Variants in COMMD1 observed in about 807,000 individuals in gnomAD.
The protein encoded by COMMD1 is COMM domain-containing protein 1.
COMMD1 carries 10 observed loss-of-function variants against 17.2 expected under a neutral mutation model. That is an observed-to-expected ratio of 0.58 (90% CI 0.36 to 0.99). The LOEUF is 0.99. Ranked by LOEUF, COMMD1 falls within the 50% of genes least tolerant of loss-of-function variation. COMMD1 has a pLI of 0.01. For missense variants in COMMD1, 270 were observed against 231.8 expected (o/e 1.17, Z -1.07); for synonymous variants, 97 against 91.6 (o/e 1.06, Z -0.34).
chr2:62,103,332 A>G (rs1473373855), intron 2 of COMMD1, among the ~76,000 whole-genome samples: 1 of 152,222 alleles, frequency 6.6e-6, no homozygotes, highest in Admixed American at 6.5e-5. Flanking sequence ...ACAAAAATGG[A>G]AAATTTCCCC....
intron 2 of COMMD1, among the ~76,000 whole-genome samples, chr2:62,066,229 C>T (rs985324137): frequency 1.2e-4 from 18 of 152,066 alleles, no homozygotes; most frequent in African/African-American, 4.3e-4. Flanking sequence ...ACTCCCTACC[C>T]CACTTTTTTT....
chr2:62,085,169 CTCTT>C (rs1026525198), intron 2 of COMMD1, among the ~76,000 whole-genome samples: 98 of 152,088 alleles, frequency 6.4e-4, no homozygotes, highest in African/African-American at 2.3e-3. Flanking sequence ...CTTTCTAACT[CTCTT>C]AAGTCCACAG....
At chr2:62,026,208 G>C (rs1669751908) in intron 2 of COMMD1, among the ~76,000 whole-genome samples, 1 of 152,112 alleles carries the variant, frequency 6.6e-6, no homozygotes, top group Non-Finnish European at 1.5e-5. Context: ...CTGAGACTGG[G>C]TACTTTATAA....
At chr2:62,062,939 C>T (rs1246208090) in intron 2 of COMMD1, among the ~76,000 whole-genome samples, 2 of 151,886 alleles carry the variant, frequency 1.3e-5, no homozygotes, top group Non-Finnish European at 2.9e-5. Context: ...AGTAGGCTGG[C>T]CAGGCATGGT....
intron 1 of COMMD1, among the ~76,000 whole-genome samples, chr2:61,961,963 ATTGT>A (rs1671353416): frequency 6.6e-6 from 1 of 151,990 alleles, no homozygotes; most frequent in Non-Finnish European, 1.5e-5. Flanking sequence ...AACTCCCTGA[ATTGT>A]TTGTTCCTGT....
intron 2 of COMMD1, among the ~76,000 whole-genome samples, chr2:62,059,324 TA>T (rs202064244): frequency 3.3e-5 from 5 of 151,212 alleles, no homozygotes; most frequent in South Asian, 2.1e-4. Context: ...CTGGCTAATT[TA>T]AAAAAAAATT....
intron 1 of COMMD1, among the ~76,000 whole-genome samples, chr2:61,989,399 A>G (rs960374509): frequency 2.0e-5 from 3 of 152,126 alleles, no homozygotes; most frequent in Admixed American, 6.6e-5. Flanking sequence ...TCAATGTCCA[A>G]AAATCTCTGG....
In COMMD1 at chr2:62,135,891, C is replaced by G; in HGVS notation, c.523C>G (p.Leu175Val). The G allele has an allele frequency of 6.2e-7, 1 of 1,605,456 alleles. No individual in the cohort carries two copies. Among genetic ancestry groups the G allele is most frequent in the South Asian group, 1.1e-5 (1 of 90,906 alleles). The change falls in exon 3 of 3, where the codon CTG becomes GTG. Residue 175 changes from leucine to valine, a missense_variant. Leu to Val is a conservative substitution (Grantham distance 32). Coordinates refer to ENST00000311832, the MANE Select transcript of COMMD1 (RefSeq NM_152516.4). ...CAAAGTCAACCAAATTCTGAAGACG[C>G]TGTCAGAGGTAGAAGAAAGTATCAG... Reference protein sequence around the residue: ...EVKVNQILKTLSEVEESISTL... With the variant: ...EVKVNQILKTVSEVEESISTL...
At chr2:62,097,324 G>T (rs1672040380) in intron 2 of COMMD1, among the ~76,000 whole-genome samples, 1 of 152,086 alleles carries the variant, frequency 6.6e-6, no homozygotes, top group Admixed American at 6.6e-5. Context: ...CAGGTCTTCG[G>T]GGCTATTGCC....
At chr2:62,112,206 T>C (rs1000637079) in intron 2 of COMMD1, among the ~76,000 whole-genome samples, 7 of 152,170 alleles carry the variant, frequency 4.6e-5, no homozygotes, top group Non-Finnish European at 7.4e-5. Flanking sequence ...TGGGTGGTCA[T>C]GTTGAATAAA....
intron 1 of COMMD1, among the ~76,000 whole-genome samples, chr2:61,947,506 A>G (rs760684985): frequency 2.8e-4 from 43 of 152,092 alleles, no homozygotes; most frequent in Non-Finnish European, 5.4e-4. Context: ...CAACATGGTG[A>G]AACCCTGTCT....
chr2:61,984,603 A>G (rs921748287), intron 1 of COMMD1, among the ~76,000 whole-genome samples: 3 of 152,240 alleles, frequency 2.0e-5, no homozygotes, highest in Non-Finnish European at 4.4e-5. Context: ...AGACTGATTC[A>G]TGTGCTAAGG....
intron 2 of COMMD1, among the ~76,000 whole-genome samples, chr2:62,017,924 G>A (rs984188953): frequency 6.6e-6 from 1 of 151,600 alleles, no homozygotes; most frequent in Admixed American, 6.6e-5. Flanking sequence ...TGCACCTGTA[G>A]TCTCAGCTAC....
chr2:62,099,070 C>T (rs1324526150), intron 2 of COMMD1, among the ~76,000 whole-genome samples: 1 of 152,116 alleles, frequency 6.6e-6, no homozygotes, highest in Non-Finnish European at 1.5e-5. Flanking sequence ...ATTATTTTAT[C>T]CAGCTATTTC....
intron 1 of COMMD1, among the ~76,000 whole-genome samples, chr2:61,938,510 C>G (rs886327597): frequency 6.6e-6 from 1 of 152,196 alleles, no homozygotes. Context: ...AGGCACTTGA[C>G]CTTTTCCCTT....
chr2:61,933,430 A>G (rs1350276985), intron 1 of COMMD1, among the ~76,000 whole-genome samples: 2 of 151,990 alleles, frequency 1.3e-5, no homozygotes, highest in Non-Finnish European at 2.9e-5. Flanking sequence ...ACATTTGGGC[A>G]GAAAACTGGG....
chr2:61,928,143 A>G (rs968050768), intron 1 of COMMD1, among the ~76,000 whole-genome samples: 6 of 152,098 alleles, frequency 3.9e-5, no homozygotes, highest in African/African-American at 1.4e-4. Context: ...AAAGTAAGCA[A>G]TATAAAGCAG....
chr2:61,899,563 G>A (rs1572941742), intron 1 of COMMD1, among the ~76,000 whole-genome samples: 1 of 152,022 alleles, frequency 6.6e-6, no homozygotes, highest in Admixed American at 6.6e-5. Flanking sequence ...TTTAATTCTC[G>A]AGTCCAGCCA....
At chr2:61,929,391 G>T (rs1670406179) in intron 1 of COMMD1, among the ~76,000 whole-genome samples, 3 of 152,116 alleles carry the variant, frequency 2.0e-5, no homozygotes, top group Admixed American at 1.3e-4. Flanking sequence ...TCACAGAGAG[G>T]TGCCCTTCTT....
Sources: allele counts gnomAD v4.1 joint callset (sites outside exome capture counted in the v4.1 genomes callset), GRCh38; gene constraint gnomAD v4.1.1; transcripts MANE v1.5; gene names NCBI Gene and HGNC (gene_info 2026-07-23, HGNC 2026-07-21).